Variants in ZNF280D observed in about 807,000 individuals in gnomAD.
The protein encoded by ZNF280D is zinc finger protein 280D, also known as suppressor of hairy wing homolog 4.
In ZNF280D, 39 loss-of-function variants were observed where a neutral mutation model predicts 94.7. That is an observed-to-expected ratio of 0.41 (90% CI 0.32 to 0.54). ZNF280D has a LOEUF of 0.54. ZNF280D is among the 20% of genes least tolerant of loss of function. The probability of loss-of-function intolerance (pLI) is 0.22; values close to 1 mark genes in which losing one functional copy is unlikely to be tolerated. For missense variants in ZNF280D, 1,090 were observed against 1,149.3 expected (o/e 0.95, Z 0.75); for synonymous variants, 398 against 377.6 (o/e 1.05, Z -0.63).
chr15:56,700,621 T>C, intron 6 of ZNF280D: 1 of 1,253,338 alleles, frequency 8.0e-7, no homozygotes, highest in Non-Finnish European at 1.0e-6. Flanking sequence ...CCGTCTGCAA[T>C]CTTAAATATT....
intron 9 of ZNF280D, among the ~76,000 whole-genome samples, chr15:56,686,463 A>G (rs2056022198): frequency 6.6e-6 from 1 of 152,178 alleles, no homozygotes; most frequent in African/African-American, 2.4e-5. Context: ...TAAAAGCTAG[A>G]TTCTTCTATA....
At position 56,704,391 on chromosome 15, in the gene ZNF280D, A is replaced by G. The variant is rs1350408528; in HGVS notation, c.29-124T>C. 1.4e-5 allele frequency: 13 copies of G among 931,804 alleles called. No individual in the cohort carries two copies. The African/African-American group carries it at 1.5e-4, about 11-fold the overall frequency. The allele number at this position is 931,804 out of a possible 1,614,324, so 57.7% of individuals were successfully genotyped here. ...TCTTAATAGCAATTTCTGAATTGAT[A>G]TTTGTAGTCAGTATGTGGTAACAAC... On this transcript the variant is annotated intron_variant, in intron 3 of 21. Coordinates refer to ENST00000267807, the MANE Select transcript of ZNF280D (RefSeq NM_017661.4).
intron 1 of ZNF280D, among the ~76,000 whole-genome samples, chr15:56,725,523 C>G (rs1157946792): frequency 6.6e-6 from 1 of 152,082 alleles, no homozygotes; most frequent in Non-Finnish European, 1.5e-5. Context: ...ATAAAGACAG[C>G]TGGATTCTCT....
At chr15:56,632,424 G>A (rs554232898) in intron 21 of ZNF280D, among the ~76,000 whole-genome samples, 1 of 150,388 alleles carries the variant, frequency 6.6e-6, no homozygotes, top group East Asian at 1.9e-4. Flanking sequence ...TTAAATTTAA[G>A]TATTTTTATT....
At chr15:56,721,396 A>G (rs1420281724) in intron 1 of ZNF280D, among the ~76,000 whole-genome samples, 1 of 152,226 alleles carries the variant, frequency 6.6e-6, no homozygotes, top group Non-Finnish European at 1.5e-5. Flanking sequence ...AAAATTTGAA[A>G]GCCAGGCATG....
At chr15:56,702,390 C>A (rs543408759) in intron 4 of ZNF280D, among the ~76,000 whole-genome samples, 1 of 152,154 alleles carries the variant, frequency 6.6e-6, no homozygotes, top group Non-Finnish European at 1.5e-5. Flanking sequence ...CATATGTTAA[C>A]ATATTTTATG....
At chr15:56,659,144 G>A (rs1044817302) in intron 16 of ZNF280D, among the ~76,000 whole-genome samples, 7 of 135,864 alleles carry the variant, frequency 5.2e-5, no homozygotes, top group Non-Finnish European at 7.6e-5. Context: ...GGAGGCCACC[G>A]AGCCTGGCTT....
chr15:56,714,826 A>G (rs1440344820), intron 1 of ZNF280D, among the ~76,000 whole-genome samples: 1 of 152,198 alleles, frequency 6.6e-6, no homozygotes, highest in African/African-American at 2.4e-5. Flanking sequence ...AAAATACTTG[A>G]TAATATTAAT....
chr15:56,724,807 A>G (rs1338882262), intron 1 of ZNF280D: 2 of 433,638 alleles, frequency 4.6e-6, no homozygotes, highest in African/African-American at 2.0e-5. Flanking sequence ...CAGACACTAC[A>G]ATGTAGTGTC....
intron 1 of ZNF280D, among the ~76,000 whole-genome samples, chr15:56,731,497 TACCTATCTCAAAAAA>T (rs1233932308): frequency 1.1e-5 from 1 of 93,504 alleles, no homozygotes; most frequent in Non-Finnish European, 2.0e-5. Flanking sequence ...ACAGAGCAAG[TACCTATCTCAAAAAA>T]AAAAAAAAAA....
At chr15:56,732,603 ATTTTTT>A (rs1273528041) in intron 1 of ZNF280D, 1 of 147,526 alleles carries the variant, frequency 6.8e-6, no homozygotes, top group Non-Finnish European at 1.5e-5. Flanking sequence ...AAGATGACAG[ATTTTTT>A]TTTTTTTAAC....
intron 19 of ZNF280D, chr15:56,652,733 CA>C (rs1480570799): frequency 1.1e-4 from 104 of 985,100 alleles, no homozygotes; most frequent in Non-Finnish European, 1.1e-4. Context: ...TTAAGGTCTG[CA>C]AGTAGTATTG....
chr15:56,720,531 T>C (rs1274141252), intron 1 of ZNF280D, among the ~76,000 whole-genome samples: 1 of 152,206 alleles, frequency 6.6e-6, no homozygotes, highest in African/African-American at 2.4e-5. Context: ...ATGATCTTAA[T>C]TGGATCTAGA....
chr15:56,726,644 ATAG>A (rs775467033), intron 1 of ZNF280D, among the ~76,000 whole-genome samples: 2 of 152,222 alleles, frequency 1.3e-5, no homozygotes, highest in Admixed American at 6.5e-5. Flanking sequence ...TAAAAAAATA[ATAG>A]GACTGCCTAA....
At chr15:56,731,704 C>T (rs2058899872) in intron 1 of ZNF280D, among the ~76,000 whole-genome samples, 1 of 152,062 alleles carries the variant, frequency 6.6e-6, no homozygotes, top group Non-Finnish European at 1.5e-5. Context: ...TAGGGCTGAA[C>T]TGTCATATCC....
chr15:56,662,030 C>T (rs988778266), intron 16 of ZNF280D, among the ~76,000 whole-genome samples: 3 of 152,066 alleles, frequency 2.0e-5, no homozygotes, highest in Non-Finnish European at 4.4e-5. Flanking sequence ...GTATTAAATA[C>T]CTTCCTAGTA....
rs751965315 is a variant in ZNF280D, at chr15:56,689,434, G to C, written c.536C>G (p.Ser179Cys). The change falls in exon 8 of 22, where the codon TCT becomes TGT. Residue 179 changes from serine (S) to cysteine (C), a missense_variant. By Grantham distance (112) the Ser-to-Cys change is moderately radical (BLOSUM62 -1). Coordinates refer to ENST00000267807, the MANE Select transcript of ZNF280D (RefSeq NM_017661.4). ...ATTAACATTATTTACTTCAGAAGTA[G>C]AAGGACGTTTTGATAAAAATGAACT... ...SESSFLSKRP[S>C]TSEVNNVNPK... 6.4e-7 allele frequency: 1 copy of C among 1,571,772 alleles called. No homozygotes were observed. Among genetic ancestry groups the C allele is most frequent in the South Asian group, 1.2e-5 (1 of 80,474 alleles).
intron 17 of ZNF280D, 179 bp from the exon 18 acceptor site, chr15:56,654,682 A>C (rs2053424720): frequency 1.5e-6 from 1 of 645,696 alleles, no homozygotes; most frequent in African/African-American, 1.8e-5. Context: ...AGCCATGTCC[A>C]AATTATGCTA....
At chr15:56,715,638 GTTAA>G (rs1256311819) in intron 1 of ZNF280D, among the ~76,000 whole-genome samples, 1 of 151,510 alleles carries the variant, frequency 6.6e-6, no homozygotes, top group Non-Finnish European at 1.5e-5. Context: ...GAAGGAATAT[GTTAA>G]TTAAATAAAT....
Sources: gnomAD v4.1 joint callset for allele counts (sites outside exome capture counted in the v4.1 genomes callset) on GRCh38, gnomAD v4.1.1 for gene constraint, MANE v1.5 for transcripts, NCBI Gene and HGNC (gene_info 2026-07-23, HGNC 2026-07-21) for gene names.